The following SLC41A2 variants were observed in gnomAD, a reference collection of about 807,000 sequenced individuals.
SLC41A2 encodes the protein SLC41A1-like 1.
In SLC41A2, 32 loss-of-function variants were observed where a neutral mutation model predicts 58.3. The ratio of observed to expected loss-of-function variants is 0.55; its 90% confidence interval spans 0.41 to 0.74. The LOEUF (loss-of-function observed/expected upper bound fraction) is 0.74. SLC41A2 is among the 30% of genes least tolerant of loss of function. The probability of loss-of-function intolerance (pLI) is 0.00; values close to 1 mark genes in which losing one functional copy is unlikely to be tolerated. For missense variants in SLC41A2, 514 were observed against 680.6 expected (o/e 0.76, Z 2.72); for synonymous variants, 190 against 235.0 (o/e 0.81, Z 1.75).
intron 7 of SLC41A2, among the ~76,000 whole-genome samples, chr12:104,865,513 G>A (rs2043399055): frequency 6.6e-6 from 1 of 152,040 alleles, no homozygotes; most frequent in Non-Finnish European, 1.5e-5. Context: ...CTCTTTCTGG[G>A]TTTCTGAGAC....
chr12:104,837,062 C>T (rs2042237053), intron 10 of SLC41A2, among the ~76,000 whole-genome samples: 1 of 152,248 alleles, frequency 6.6e-6, no homozygotes, highest in East Asian at 1.9e-4. Context: ...ATGGTTTATG[C>T]TTGCCACCTT....
intron 6 of SLC41A2, among the ~76,000 whole-genome samples, chr12:104,882,316 C>T (rs922204399): frequency 1.5e-4 from 23 of 152,128 alleles, no homozygotes; most frequent in African/African-American, 4.8e-4. Flanking sequence ...AGTCCATTTA[C>T]ATTTAACATT....
At chr12:104,836,541 CAA>C (rs1434707848) in intron 10 of SLC41A2, among the ~76,000 whole-genome samples, 2 of 151,974 alleles carry the variant, frequency 1.3e-5, no homozygotes, top group African/African-American at 4.8e-5. Context: ...AGTTACAGAT[CAA>C]GAGAAGATAT....
intron 2 of SLC41A2, among the ~76,000 whole-genome samples, chr12:104,910,084 A>C (rs1385620899): frequency 1.3e-5 from 2 of 152,232 alleles, no homozygotes; most frequent in Admixed American, 1.3e-4. Flanking sequence ...TAGACTGGCT[A>C]GTGGTTAAGA....
At chr12:104,929,168 T>C (rs2046963435) in intron 1 of SLC41A2, among the ~76,000 whole-genome samples, 1 of 152,144 alleles carries the variant, frequency 6.6e-6, no homozygotes, top group Admixed American at 6.5e-5. Context: ...ATAATATACA[T>C]TTTATTATTA....
intron 6 of SLC41A2, among the ~76,000 whole-genome samples, chr12:104,875,906 G>T (rs910758060): frequency 3.3e-5 from 5 of 152,206 alleles, no homozygotes; most frequent in Non-Finnish European, 7.3e-5. Flanking sequence ...ATTCAGCCAT[G>T]AAGCCATTTG....
At chr12:104,917,944 T>C (rs980437703) in intron 2 of SLC41A2, among the ~76,000 whole-genome samples, 2 of 149,408 alleles carry the variant, frequency 1.3e-5, no homozygotes, top group African/African-American at 4.9e-5. Flanking sequence ...GCACATTGTG[T>C]ACATGTACCC....
At chr12:104,868,972 G>A (rs548766876) in intron 6 of SLC41A2, among the ~76,000 whole-genome samples, 1 of 152,286 alleles carries the variant, frequency 6.6e-6, no homozygotes, top group South Asian at 2.1e-4. Context: ...ATTGTTAGAG[G>A]AGGGGTGGGA....
intron 10 of SLC41A2, among the ~76,000 whole-genome samples, chr12:104,806,399 C>CT (rs1278413403): frequency 2.6e-5 from 4 of 151,956 alleles, no homozygotes; most frequent in Non-Finnish European, 5.9e-5. Context: ...TGAACTCATC[C>CT]TTTTTTATGG....
chr12:104,916,967 G>A (rs1313339395), intron 2 of SLC41A2, among the ~76,000 whole-genome samples: 1 of 150,796 alleles, frequency 6.6e-6, no homozygotes, highest in Admixed American at 6.6e-5. Context: ...AGCCAAAATT[G>A]ACAAATGGGA....
Position 104,895,272 on chromosome 12 carries a change from AC to A in SLC41A2, c.735+1del. 1.2e-6 allele frequency: 2 copies of A among 1,609,734 alleles called. No homozygotes were observed. Among genetic ancestry groups the A allele is most frequent in the Non-Finnish European group, 1.7e-6 (2 of 1,176,334 alleles). On this transcript the variant is annotated splice_donor_variant, in intron 4 of 10. Coordinates refer to ENST00000258538, the MANE Select transcript of SLC41A2 (RefSeq NM_001352171.3). LOFTEE classifies it high-confidence loss of function. ...CTGTAAACAAATATGTGTACCACTT[AC>A]CTGCTTTAAAGCCAAGTTGCCAATT...
At chr12:104,910,286 C>T (rs767324005) in intron 2 of SLC41A2, among the ~76,000 whole-genome samples, 3 of 152,074 alleles carry the variant, frequency 2.0e-5, no homozygotes, top group Non-Finnish European at 4.4e-5. Context: ...TAAGTAATCC[C>T]ATGTTTTAAT....
At chr12:104,823,444 C>G (rs553271431) in intron 10 of SLC41A2, among the ~76,000 whole-genome samples, 2 of 152,058 alleles carry the variant, frequency 1.3e-5, no homozygotes, top group African/African-American at 4.8e-5. Flanking sequence ...ATCAGTGGAA[C>G]AGAAGAAAGT....
Position 104,878,271 on chromosome 12 carries a change from C to T in SLC41A2, c.1027+8022G>A, listed in dbSNP as rs1265335526. 1.3e-4 allele frequency among the ~76,000 whole-genome samples: 18 copies of T among 143,380 alleles called. 1 individual carries two copies. The highest frequency in any genetic ancestry group is 1.1e-3 in the Admixed American group (16 of 14,148). The allele number at this position is 143,380 out of a possible 152,430, so 94.1% of individuals were successfully genotyped here. A position where few individuals can be genotyped will look rare whatever the true frequency, so the allele number is the denominator to read the frequency against. On this transcript the variant is annotated intron_variant, in intron 6 of 10. Transcript: ENST00000258538. ...AATGACTTAATGGTAATTTAAATAT[C>T]CAAATCTGCAAATAATATACCTGTA... is the stretch of plus-strand genomic sequence containing the variant.
intron 8 of SLC41A2, among the ~76,000 whole-genome samples, chr12:104,855,550 A>G (rs188054276): frequency 1.3e-5 from 2 of 152,360 alleles, no homozygotes; most frequent in East Asian, 3.9e-4. Context: ...CTTCTGGGAC[A>G]TGTAATTAAT....
chr12:104,849,694 G>C (rs372744159), intron 8 of SLC41A2, among the ~76,000 whole-genome samples: 1 of 152,136 alleles, frequency 6.6e-6, no homozygotes, highest in Non-Finnish European at 1.5e-5. Context: ...TGGGTGTGCT[G>C]GTGCACACCT....
intron 1 of SLC41A2, among the ~76,000 whole-genome samples, chr12:104,953,809 G>A (rs991403798): frequency 4.6e-5 from 7 of 152,100 alleles, no homozygotes; most frequent in Non-Finnish European, 2.9e-5. Context: ...GAGAGAGAAG[G>A]GGTGTAACTA....
At chr12:104,849,385 T>C (rs2136353842) in intron 8 of SLC41A2, among the ~76,000 whole-genome samples, 1 of 152,286 alleles carries the variant, frequency 6.6e-6, no homozygotes, top group East Asian at 1.9e-4. Context: ...GCACAATAAA[T>C]ATCATTTCAT....
chr12:104,911,462 A>G (rs1210651968), intron 2 of SLC41A2, among the ~76,000 whole-genome samples: 2 of 152,240 alleles, frequency 1.3e-5, no homozygotes, highest in Non-Finnish European at 2.9e-5. Flanking sequence ...AAATATCTTA[A>G]TAACACAAAG....
Sources: gnomAD v4.1 joint callset for allele counts (sites outside exome capture counted in the v4.1 genomes callset) on GRCh38, gnomAD v4.1.1 for gene constraint, MANE v1.5 for transcripts, NCBI Gene and HGNC (gene_info 2026-07-23, HGNC 2026-07-21) for gene names.